Variants in TMED1 observed in about 807,000 individuals in gnomAD.
TMED1 encodes transmembrane emp24 domain-containing protein 1.
In TMED1, 20 loss-of-function variants were observed where a neutral mutation model predicts 21.2. The observed-to-expected ratio is 0.95, with a 90% CI of 0.67 to 1.37. The LOEUF (loss-of-function observed/expected upper bound fraction) is 1.37. Among genes scored for constraint, TMED1 ranks in the 40% most tolerant of loss-of-function variants. The pLI is 0.00. For missense variants in TMED1, 316 were observed against 309.8 expected, an observed-to-expected ratio of 1.02 and a Z score of -0.15; for synonymous variants, 149 against 134.7, an observed-to-expected ratio of 1.11 and a Z score of -0.74.
rs370637664 is a variant in TMED1, at chr19:10,832,555, A to G, written c.*440T>C. 26 of 460,804 alleles carry G rather than the reference A, an allele frequency of 5.6e-5. No homozygotes were observed. In the East Asian group the frequency reaches 8.8e-4, roughly 16 times the overall value. 28.5% of individuals were successfully genotyped at this position (460,804 alleles called of 1,614,324 possible). A position where few individuals can be genotyped will look rare whatever the true frequency, so the allele number is the denominator to read the frequency against. ...CCTCATGCCTGTGTGGGGCCCCTGC[A>G]GGAGAGGGGCCGGGGCAGGTGGTCT... On this transcript the variant is annotated 3_prime_UTR_variant, in exon 4 of 4. Transcript: ENST00000214869.
intron 2 of TMED1, 23 bp from the exon 3 acceptor site, chr19:10,835,140 A>G: frequency 6.2e-7 from 1 of 1,610,648 alleles, no homozygotes; most frequent in Non-Finnish European, 8.5e-7. Context: ...ACACACAGAC[A>G]TGACCCAGGG....
chr19:10,835,602 C>G (rs938527128), intron 1 of TMED1: 10 of 1,417,576 alleles, frequency 7.1e-6, no homozygotes, highest in Non-Finnish European at 9.2e-6. Context: ...TGGACGTTTA[C>G]CTGACCACGC....
Position 10,836,168 on chromosome 19 carries a change from TA to T in TMED1, c.23del (p.Leu8GlnfsTer8). Reference protein sequence around the residue: MMAAGAALALALWLLMPP... With the variant: MMAAGAAXALALWLLMPP... ...GCATTAGTAGCCACAAGGCCAGGGC[TA>T]GGGCCGCGCCGGCCGCCATCATCCG... is the stretch of plus-strand genomic sequence containing the variant. On this transcript the variant is annotated frameshift_variant, in exon 1 of 4. Transcript: ENST00000214869. LOFTEE classifies it high-confidence loss of function. 6.4e-7 allele frequency: 1 copy of T among 1,557,156 alleles called. No homozygotes were observed. Among genetic ancestry groups the T allele is most frequent in the Non-Finnish European group, 8.7e-7 (1 of 1,154,104 alleles).
At chr19:10,835,889 C>T (rs1194861346) in intron 1 of TMED1, 120 bp downstream of exon 1, 3 of 1,432,638 alleles carry the variant, frequency 2.1e-6, no homozygotes, top group African/African-American at 2.9e-5. Flanking sequence ...TTTCTAGCTC[C>T]GCCCCCGCGC....
intron 3 of TMED1, among the ~76,000 whole-genome samples, chr19:10,834,509 G>C (rs374868096): frequency 6.7e-6 from 1 of 148,580 alleles, no homozygotes; most frequent in East Asian, 2.0e-4. Flanking sequence ...GCCCAGGCTG[G>C]AGTGCAATGG....
chr19:10,835,191 C>T (rs1374656522), intron 2 of TMED1, 65 bp downstream of exon 2: 1 of 1,612,454 alleles, frequency 6.2e-7, no homozygotes, highest in Non-Finnish European at 8.5e-7. Flanking sequence ...AGGGCGGTAA[C>T]CTGAGGCCGC....
Position 10,835,361 on chromosome 19 carries a change from G to A in TMED1, c.184-8C>T, listed in dbSNP as rs779290062. On this transcript the variant is annotated splice_region_variant and splice_polypyrimidine_tract_variant and intron_variant, in intron 1 of 3. Coordinates refer to ENST00000214869, the MANE Select transcript of TMED1 (RefSeq NM_006858.4). ...TCCAGCACCTCCGATCACCTGGGGGGCAGGTAAGAGCGGGTGGAGGGCTAG... is the reference window on the plus strand; with the variant it reads ...TCCAGCACCTCCGATCACCTGGGGGACAGGTAAGAGCGGGTGGAGGGCTAG... 28 of 1,613,244 alleles carry A rather than the reference G, an allele frequency of 1.7e-5. No homozygotes were observed. Among genetic ancestry groups the A allele is most frequent in the Non-Finnish European group, 2.0e-5 (24 of 1,179,862 alleles).
rs56843792 is a variant in TMED1, at chr19:10,832,193, C to T, written c.*802G>A. 2.6e-4 allele frequency: 258 copies of T among 989,826 alleles called. 1 individual carries two copies. The East Asian group carries it at 0.013, about 51-fold the overall frequency. 61.3% of individuals were successfully genotyped at this position (989,826 alleles called of 1,614,324 possible). A position where few individuals can be genotyped will look rare whatever the true frequency, so the allele number is the denominator to read the frequency against. ...GTGAAGCGGGGACCCCAGCGCTCCA[C>T]CCCCTTCCTACCCTCAGGCCCTGCT... On this transcript the variant is annotated 3_prime_UTR_variant, in exon 4 of 4. Transcript: ENST00000214869.
rs2073424908 is a variant in TMED1, at chr19:10,836,060, C to T, written c.132G>A (p.Gln44=). ...FTFLLPAGRK[Q]CFYQSAPANA... ...TGGCCGGCGCGGACTGGTAGAAACA[C>T]TGCTTCCTCCCCGCCGGCAACAGGA... The change falls in exon 1 of 4, where the codon CAG becomes CAA. Residue 44 remains glutamine (Q), a synonymous_variant. Transcript: ENST00000214869. The T allele has an allele frequency of 6.3e-7, 1 of 1,597,136 alleles. No individual in the cohort carries two copies. Among genetic ancestry groups the T allele is most frequent in the Admixed American group, 1.7e-5 (1 of 58,218 alleles).
At position 10,833,615 on chromosome 19, in the gene TMED1, G is replaced by C; in HGVS notation, c.466-402C>G. The C allele has an allele frequency of 1.8e-5, 4 of 218,404 alleles. No homozygotes were observed. The South Asian group carries it at 2.8e-4, about 15-fold the overall frequency. 13.5% of individuals were successfully genotyped at this position (218,404 alleles called of 1,614,324 possible). ...CATCTCTACAAAAAATTAGCCAGGGGTGGTGATGTGCAACTGCAATCCCAG... is the reference window on the plus strand; with the variant it reads ...CATCTCTACAAAAAATTAGCCAGGGCTGGTGATGTGCAACTGCAATCCCAG... On this transcript the variant is annotated intron_variant, in intron 3 of 3. Transcript: ENST00000214869.
rs1425053330 is a variant in TMED1, at chr19:10,832,131, T to C, written c.*864A>G. Among the ~76,000 whole-genome samples, 2 of 152,146 alleles carry C rather than the reference T, an allele frequency of 1.3e-5. No homozygotes were observed. The highest frequency in any genetic ancestry group is 2.9e-5 in the Non-Finnish European group (2 of 68,014). ...TGGGAGCAGATATTCTCTGACCCCC[T>C]GCACACCCCCACGTGCACAGGCCTG... On this transcript the variant is annotated 3_prime_UTR_variant, in exon 4 of 4. Transcript: ENST00000214869.
chr19:10,835,510 C>T lies in TMED1; in HGVS notation c.184-157G>A, dbSNP rs985950511. 2.3e-5 allele frequency: 34 copies of T among 1,470,912 alleles called. No homozygotes were observed. The Admixed American group carries it at 6.1e-4, about 27-fold the overall frequency. The allele number at this position is 1,470,912 out of a possible 1,614,324, so 91.1% of individuals were successfully genotyped here. A position where few individuals can be genotyped will look rare whatever the true frequency, so the allele number is the denominator to read the frequency against. On this transcript the variant is annotated intron_variant, in intron 1 of 3. Transcript: ENST00000214869. ...CCGCCCCAACCTGTCCCAGTGGCTG[C>T]GCCCCTTGCCTCCACCCTCATTGAT...
chr19:10,833,531 G>A lies in TMED1; in HGVS notation c.466-318C>T, dbSNP rs1023233594. On this transcript the variant is annotated intron_variant, in intron 3 of 3. Transcript: ENST00000214869. ...AATCCTAGCACTTTGGAAGGCTGAG[G>A]TGGGAGGATCGCTTGAGCCCAGGAG... The A allele has an allele frequency of 8.2e-6, 3 of 365,826 alleles. No homozygotes were observed. In the East Asian group the frequency reaches 1.7e-4, roughly 21 times the overall value. The allele number at this position is 365,826 out of a possible 1,614,324, so 22.7% of individuals were successfully genotyped here. A position where few individuals can be genotyped will look rare whatever the true frequency, so the allele number is the denominator to read the frequency against.
In TMED1 at chr19:10,835,253, C is replaced by CA. The variant is rs1439809716; in HGVS notation, c.281+2dup. The CA allele has an allele frequency of 1.2e-6, 2 of 1,614,002 alleles. No individual in the cohort carries two copies. Among genetic ancestry groups the CA allele is most frequent in the African/African-American group, 2.7e-5 (2 of 74,938 alleles). ...CCCAGGCAGGCATCAAGACTGAACTCACGTGTGTACCCCATCAGCCTTGCG... is the reference window on the plus strand; with the variant it reads ...CCCAGGCAGGCATCAAGACTGAACTCAACGTGTGTACCCCATCAGCCTTGCG... On this transcript the variant is annotated splice_region_variant and intron_variant, in intron 2 of 3. Coordinates refer to ENST00000214869, the MANE Select transcript of TMED1 (RefSeq NM_006858.4).
intron 1 of TMED1, chr19:10,835,729 C>G: frequency 1.4e-6 from 2 of 1,407,456 alleles, no homozygotes; most frequent in Non-Finnish European, 1.8e-6. Context: ...ACTATCGCCA[C>G]GCCCACCAGC....
Position 10,833,072 on chromosome 19 carries a change from C to T in TMED1, c.607G>A (p.Val203Met). 1 of 1,614,038 alleles carries T rather than the reference C, an allele frequency of 6.2e-7. No individual in the cohort carries two copies. Among genetic ancestry groups the T allele is most frequent in the Non-Finnish European group, 8.5e-7 (1 of 1,180,048 alleles). Residue 203 changes from valine to methionine, a missense_variant, in exon 4 of 4, where the codon GTG becomes ATG. Transcript: ENST00000214869. ...VNFWSAVNVA[V>M]LLLVAVLQVC... is the part of the protein sequence containing the mutation. ...TGCAGCACAGCCACCAGCAGCAGCACCGCCACGTTGACAGCTGACCAGAAG... is the reference window on the plus strand; with the variant it reads ...TGCAGCACAGCCACCAGCAGCAGCATCGCCACGTTGACAGCTGACCAGAAG...
Position 10,832,931 on chromosome 19 carries a change from C to G in TMED1, c.*64G>C. 6.4e-7 allele frequency: 1 copy of G among 1,569,344 alleles called. No individual in the cohort carries two copies. Among genetic ancestry groups the G allele is most frequent in the South Asian group, 1.1e-5 (1 of 89,418 alleles). On this transcript the variant is annotated 3_prime_UTR_variant, in exon 4 of 4. Coordinates refer to ENST00000214869, the MANE Select transcript of TMED1 (RefSeq NM_006858.4). Reference sequence around the variant, plus strand: ...GAAACTAAAATTGGGGAGGGACCCCCAAGTCTCATATGCACACACCCTGCT... The same window carrying G: ...GAAACTAAAATTGGGGAGGGACCCCGAAGTCTCATATGCACACACCCTGCT...
chr19:10,832,290 T>C lies in TMED1; in HGVS notation c.*705A>G. ...TCAGTTAAACTTTGCTTTCTGATTTTTCTCTTGTGCCAGGCGACCACCTCC... is the reference window on the plus strand; with the variant it reads ...TCAGTTAAACTTTGCTTTCTGATTTCTCTCTTGTGCCAGGCGACCACCTCC... On this transcript the variant is annotated 3_prime_UTR_variant, in exon 4 of 4. Coordinates refer to ENST00000214869, the MANE Select transcript of TMED1 (RefSeq NM_006858.4). 1 of 1,289,720 alleles carries C rather than the reference T, an allele frequency of 7.8e-7. No homozygotes were observed. Among genetic ancestry groups the C allele is most frequent in the Non-Finnish European group, 1.0e-6 (1 of 988,844 alleles). The allele number at this position is 1,289,720 out of a possible 1,614,324, so 79.9% of individuals were successfully genotyped here.
At chr19:10,835,195 A>C (rs2073412470) in intron 2 of TMED1, 61 bp downstream of exon 2, 20 of 1,612,208 alleles carry the variant, frequency 1.2e-5, no homozygotes, top group Non-Finnish European at 1.7e-5. Context: ...CGGTAACCTG[A>C]GGCCGCCTGG....
Sources: allele counts gnomAD v4.1 joint callset (sites outside exome capture counted in the v4.1 genomes callset), GRCh38; gene constraint gnomAD v4.1.1; transcripts MANE v1.5; gene names NCBI Gene and HGNC (gene_info 2026-07-23, HGNC 2026-07-21).